Variants in SCFD2 observed in about 807,000 individuals in gnomAD.
SCFD2 encodes sec1 family domain containing 2.
In SCFD2, 54 loss-of-function variants were observed where a neutral mutation model predicts 58.9. The observed-to-expected ratio is 0.92, with a 90% CI of 0.74 to 1.15. The LOEUF (loss-of-function observed/expected upper bound fraction) is 1.15, where lower values mean the gene tolerates loss of function less well. Ranked by LOEUF, SCFD2 falls within the 50% of genes most tolerant of loss-of-function variation. The pLI is 0.00. For missense variants in SCFD2, 805 were observed against 836.6 expected, an observed-to-expected ratio of 0.96 and a Z score of 0.47; for synonymous variants, 321 against 335.9, an observed-to-expected ratio of 0.96 and a Z score of 0.49.
chr4:52,958,212 A>T (rs933629199), intron 5 of SCFD2: 4 of 152,220 alleles, frequency 2.6e-5, no homozygotes, highest in African/African-American at 4.8e-5. Context: ...TAGAAAATAC[A>T]CTCATGCGTA....
chr4:53,339,366 TTA>T (rs1274177354), intron 2 of SCFD2, among the ~76,000 whole-genome samples: 3 of 150,348 alleles, frequency 2.0e-5, no homozygotes, highest in East Asian at 1.9e-4. Flanking sequence ...ATATTACATA[TTA>T]TATATATGTA....
At chr4:53,329,844 T>C (rs1055829406) in intron 2 of SCFD2, among the ~76,000 whole-genome samples, 9 of 151,710 alleles carry the variant, frequency 5.9e-5, no homozygotes, top group Non-Finnish European at 1.2e-4. Context: ...TTGAAAACTT[T>C]GAAAAAAATT....
At chr4:53,215,071 T>C (rs1577851094) in intron 4 of SCFD2, among the ~76,000 whole-genome samples, 1 of 152,152 alleles carries the variant, frequency 6.6e-6, no homozygotes, top group East Asian at 1.9e-4. Context: ...TAGTATAGTT[T>C]GAAGTCAGGT....
chr4:53,024,704 CT>C (rs374465004), intron 5 of SCFD2, among the ~76,000 whole-genome samples: 328 of 141,808 alleles, frequency 2.3e-3, no homozygotes, highest in Non-Finnish European at 2.6e-3. Flanking sequence ...TGTCTCAGGC[CT>C]TTTTTTTTTT....
intron 5 of SCFD2, among the ~76,000 whole-genome samples, chr4:53,139,788 AAG>A (rs1442344621): frequency 6.6e-6 from 1 of 152,250 alleles, no homozygotes; most frequent in Non-Finnish European, 1.5e-5. Context: ...GGGGAAAAGA[AAG>A]AGAGATCGGA....
At chr4:53,201,286 C>T (rs1271234937) in intron 4 of SCFD2, among the ~76,000 whole-genome samples, 1 of 147,742 alleles carries the variant, frequency 6.8e-6, no homozygotes, top group Non-Finnish European at 1.5e-5. Flanking sequence ...TTGGTTTTTT[C>T]TCCTTGCCAT....
intron 2 of SCFD2, among the ~76,000 whole-genome samples, chr4:53,347,776 C>T (rs1306964608): frequency 2.6e-5 from 4 of 152,146 alleles, no homozygotes; most frequent in African/African-American, 7.2e-5. Flanking sequence ...CCAGATGGCA[C>T]ATAATATTGT....
intron 5 of SCFD2, among the ~76,000 whole-genome samples, chr4:53,108,079 C>T (rs1168106856): frequency 6.6e-6 from 1 of 152,112 alleles, no homozygotes; most frequent in Admixed American, 6.6e-5. Context: ...CACTCAAAAC[C>T]CCACAACTAC....
At chr4:52,968,027 C>T (rs532721549) in intron 5 of SCFD2, among the ~76,000 whole-genome samples, 1 of 152,010 alleles carries the variant, frequency 6.6e-6, no homozygotes, top group Non-Finnish European at 1.5e-5. Context: ...ATCTGGAAGG[C>T]TGGCAACACA....
chr4:53,042,175 T>C (rs1722916373), intron 5 of SCFD2, among the ~76,000 whole-genome samples: 1 of 152,168 alleles, frequency 6.6e-6, no homozygotes, highest in East Asian at 1.9e-4. Context: ...CAACAGGGTT[T>C]TCTCTCATTC....
At chr4:53,112,371 ATT>A (rs1230431891) in intron 5 of SCFD2, among the ~76,000 whole-genome samples, 1 of 152,112 alleles carries the variant, frequency 6.6e-6, no homozygotes, top group Non-Finnish European at 1.5e-5. Context: ...TTTACATACA[ATT>A]TTGAACTTCT....
intron 2 of SCFD2, among the ~76,000 whole-genome samples, chr4:53,333,168 A>G (rs1320720345): frequency 7.4e-6 from 1 of 135,060 alleles, no homozygotes; most frequent in African/African-American, 2.8e-5. Flanking sequence ...AAATGGCCAT[A>G]CTGCCCAAGG....
chr4:53,329,017 G>C (rs938428572), intron 2 of SCFD2, among the ~76,000 whole-genome samples: 1 of 152,164 alleles, frequency 6.6e-6, no homozygotes, highest in Non-Finnish European at 1.5e-5. Context: ...ACTCCCACCC[G>C]AATATTGTGC....
At position 52,991,420 on chromosome 4, in the gene SCFD2, T is replaced by G. The variant is rs1212394295; in HGVS notation, c.1562-70550A>C. ...AGTCCACATTTTTGCCCTTCCACCT[T>G]AGGAGGAGGGATTGGGGTTCAGGGG... On this transcript the variant is annotated intron_variant, in intron 5 of 8. Coordinates refer to ENST00000401642, the MANE Select transcript of SCFD2 (RefSeq NM_152540.4). 2.0e-5 allele frequency among the ~76,000 whole-genome samples: 3 copies of G among 152,074 alleles called. No homozygotes were observed. The East Asian group carries it at 5.8e-4, about 29-fold the overall frequency.
At chr4:53,326,374 C>T (rs1185827783) in intron 2 of SCFD2, among the ~76,000 whole-genome samples, 2 of 152,126 alleles carry the variant, frequency 1.3e-5, no homozygotes, top group African/African-American at 4.8e-5. Flanking sequence ...AACTCCTGGG[C>T]TCAAGTGATC....
chr4:52,973,753 G>A (rs997610711), intron 5 of SCFD2, among the ~76,000 whole-genome samples: 38 of 152,264 alleles, frequency 2.5e-4, no homozygotes, highest in African/African-American at 8.2e-4. Context: ...GATGAACATC[G>A]ATGCAAAAAT....
chr4:53,343,676 C>A (rs1733961784), intron 2 of SCFD2, among the ~76,000 whole-genome samples: 1 of 152,156 alleles, frequency 6.6e-6, no homozygotes, highest in African/African-American at 2.4e-5. Flanking sequence ...ACCAATATCC[C>A]TGATGAACAT....
intron 4 of SCFD2, among the ~76,000 whole-genome samples, chr4:53,222,115 A>G (rs1729063965): frequency 6.6e-6 from 1 of 152,156 alleles, no homozygotes; most frequent in Non-Finnish European, 1.5e-5. Flanking sequence ...CTATATTACC[A>G]TCTCATCTGG....
intron 5 of SCFD2, among the ~76,000 whole-genome samples, chr4:53,072,874 A>G (rs1213652877): frequency 6.6e-6 from 1 of 152,128 alleles, no homozygotes; most frequent in African/African-American, 2.4e-5. Flanking sequence ...CTGTGGCCAC[A>G]AGACAATGAA....
Sources: allele counts gnomAD v4.1 joint callset (sites outside exome capture counted in the v4.1 genomes callset), GRCh38; gene constraint gnomAD v4.1.1; transcripts MANE v1.5; gene names NCBI Gene and HGNC (gene_info 2026-07-23, HGNC 2026-07-21).